Variants in FOXP1 observed in about 807,000 individuals in gnomAD.
The protein encoded by FOXP1 is forkhead box protein P1.
In FOXP1, 15 loss-of-function variants were observed where a neutral mutation model predicts 98.2. The observed-to-expected ratio is 0.15, with a 90% confidence interval of 0.10 to 0.24. FOXP1 has a LOEUF of 0.24. FOXP1 is among the 10% of genes least tolerant of loss of function. FOXP1 has a pLI of 1.00. For missense variants in FOXP1, 633 were observed against 848.5 expected (o/e 0.75, Z 3.15); for synonymous variants, 371 against 314.5 (o/e 1.18, Z -1.90).
intron 7 of FOXP1, among the ~76,000 whole-genome samples, chr3:71,092,120 G>A (rs2055926917): frequency 6.6e-6 from 1 of 151,364 alleles, no homozygotes; most frequent in Admixed American, 6.6e-5. Flanking sequence ...CCCAGGAGGT[G>A]GAGGTTGTAG....
intron 3 of FOXP1, among the ~76,000 whole-genome samples, chr3:71,460,903 C>G (rs993669947): frequency 2.0e-5 from 3 of 152,156 alleles, no homozygotes; most frequent in African/African-American, 7.2e-5. Context: ...AAGCCAAATT[C>G]CCTTCTTAGA....
chr3:71,321,181 G>A, intron 4 of FOXP1, among the ~76,000 whole-genome samples: 1 of 150,552 alleles, frequency 6.6e-6, no homozygotes. Flanking sequence ...TTTGCATTAA[G>A]GTCTCAGATG....
intron 14 of FOXP1, among the ~76,000 whole-genome samples, chr3:70,987,070 G>A (rs1430665736): frequency 1.3e-5 from 2 of 152,234 alleles, no homozygotes; most frequent in Admixed American, 1.3e-4. Context: ...ACTATAGATT[G>A]TCAACGCTCA....
intron 6 of FOXP1, among the ~76,000 whole-genome samples, chr3:71,158,774 T>C (rs1278668749): frequency 6.8e-6 from 1 of 146,528 alleles, no homozygotes; most frequent in Admixed American, 6.8e-5. Context: ...AATCCTGATA[T>C]GTTACGTTGT....
intron 1 of FOXP1, 175 bp from the exon 2 acceptor site, chr3:71,581,872 C>G (rs2048200011): frequency 5.1e-6 from 5 of 985,336 alleles, no homozygotes; most frequent in Non-Finnish European, 6.0e-6. Flanking sequence ...TCAGGGAATC[C>G]CTGCAAGGAT....
At chr3:71,537,633 A>C (rs761064911) in intron 2 of FOXP1, among the ~76,000 whole-genome samples, 10 of 152,172 alleles carry the variant, frequency 6.6e-5, no homozygotes, top group African/African-American at 1.7e-4. Context: ...CCTGGCAGCC[A>C]ATATCTGGGT....
intron 4 of FOXP1, among the ~76,000 whole-genome samples, chr3:71,322,858 G>A (rs780925619): frequency 6.6e-6 from 1 of 152,138 alleles, no homozygotes; most frequent in Non-Finnish European, 1.5e-5. Context: ...AGCAGTGGCG[G>A]TTACCTCTGG....
At chr3:71,179,106 AC>A (rs1170076364) in intron 6 of FOXP1, among the ~76,000 whole-genome samples, 1 of 149,452 alleles carries the variant, frequency 6.7e-6, no homozygotes, top group Non-Finnish European at 1.5e-5. Context: ...TACCTATTTT[AC>A]CATGTTGGAA....
At chr3:71,254,981 C>G (rs984706878) in intron 5 of FOXP1, among the ~76,000 whole-genome samples, 1 of 152,136 alleles carries the variant, frequency 6.6e-6, no homozygotes, top group Non-Finnish European at 1.5e-5. Flanking sequence ...GATTTAGAAC[C>G]ACCTCACAGC....
chr3:71,372,403 G>C (rs1328278939), intron 3 of FOXP1, among the ~76,000 whole-genome samples: 2 of 152,142 alleles, frequency 1.3e-5, no homozygotes, highest in East Asian at 3.9e-4. Context: ...CCCAAGGTCT[G>C]TGCTTTCCAC....
intron 7 of FOXP1, among the ~76,000 whole-genome samples, chr3:71,059,136 G>C (rs1205956016): frequency 6.6e-6 from 1 of 152,014 alleles, no homozygotes; most frequent in African/African-American, 2.4e-5. Flanking sequence ...TCTTTAAAAT[G>C]CAATTAGCAT....
chr3:71,515,665 G>A (rs2042530345), intron 2 of FOXP1, among the ~76,000 whole-genome samples: 1 of 152,048 alleles, frequency 6.6e-6, no homozygotes, highest in Non-Finnish European at 1.5e-5. Context: ...CTTTTGTGCT[G>A]TGTGGCTACA....
intron 3 of FOXP1, among the ~76,000 whole-genome samples, chr3:71,369,264 A>AG (rs1375494644): frequency 2.6e-5 from 4 of 152,032 alleles, no homozygotes; most frequent in Non-Finnish European, 4.4e-5. Context: ...GTGGCGGGTA[A>AG]GGGGCATAGC....
intron 5 of FOXP1, among the ~76,000 whole-genome samples, chr3:71,250,526 T>C (rs933182174): frequency 2.6e-5 from 4 of 152,234 alleles, no homozygotes; most frequent in Non-Finnish European, 1.5e-5. Context: ...TCCATATTCA[T>C]GACAATCGGA....
intron 3 of FOXP1, among the ~76,000 whole-genome samples, chr3:71,415,670 G>A (rs1313879852): frequency 6.6e-6 from 1 of 151,244 alleles, no homozygotes; most frequent in African/African-American, 2.4e-5. Context: ...AAGTGTAAGT[G>A]TAAGCAGAAC....
chr3:70,982,869 C>A (rs529948056), intron 14 of FOXP1, among the ~76,000 whole-genome samples: 1 of 152,260 alleles, frequency 6.6e-6, no homozygotes, highest in East Asian at 1.9e-4. Context: ...TGTGCTCTTG[C>A]CTCACATGAA....
At chr3:70,967,912 A>C (rs2035298691) in intron 19 of FOXP1, among the ~76,000 whole-genome samples, 1 of 152,062 alleles carries the variant, frequency 6.6e-6, no homozygotes, top group African/African-American at 2.4e-5. Context: ...CTGCTAGCTT[A>C]ATTATTTTAG....
At chr3:71,130,223 C>T (rs1018451364) in intron 6 of FOXP1, among the ~76,000 whole-genome samples, 2 of 152,118 alleles carry the variant, frequency 1.3e-5, no homozygotes, top group Non-Finnish European at 2.9e-5. Context: ...TAAAACTATC[C>T]TGACACCACC....
intron 2 of FOXP1, among the ~76,000 whole-genome samples, chr3:71,568,095 A>G (rs950899985): frequency 6.7e-6 from 1 of 149,742 alleles, no homozygotes; most frequent in East Asian, 2.0e-4. Context: ...GAAATTAAAA[A>G]AAGAAAGAAA....
Sources: allele counts gnomAD v4.1 joint callset (sites outside exome capture counted in the v4.1 genomes callset), GRCh38; gene constraint gnomAD v4.1.1; transcripts MANE v1.5; gene names NCBI Gene and HGNC (gene_info 2026-07-23, HGNC 2026-07-21).